CELF2: variants seen among roughly 807,000 people sequenced by gnomAD.
CELF2 encodes CUG triplet repeat RNA-binding protein 2.
Under a neutral mutation model 62.6 loss-of-function variants are expected in CELF2, and 8 were observed. The ratio of observed to expected loss-of-function variants is 0.13; its 90% CI spans 0.07 to 0.23. CELF2 has a LOEUF of 0.23. CELF2 is among the 10% of genes least tolerant of loss of function. The pLI, the probability that CELF2 is intolerant of heterozygous loss-of-function variation, is 1.00. For synonymous variants in CELF2, 258 were observed against 250.0 expected (o/e 1.03, Z -0.30); for missense variants, 333 against 671.0 (o/e 0.50, Z 5.56).
rs1219476974 is a variant in CELF2, at chr10:11,334,504, TGG to T, written c.*5454_*5455del. 6.5e-6 allele frequency: 1 copy of T among 152,796 alleles called. No individual in the cohort carries two copies. Among genetic ancestry groups the T allele is most frequent in the Admixed American group, 6.5e-5 (1 of 15,304 alleles). The allele number at this position is 152,796 out of a possible 1,614,324, so 9.5% of individuals were successfully genotyped here. ...ATTCCACTTAAGTGAATATCTGATTTGGGGAAGAGGAAACTGCACAGCAGCCA... is the reference window on the plus strand; with the variant it reads ...ATTCCACTTAAGTGAATATCTGATTTGGAAGAGGAAACTGCACAGCAGCCA... On this transcript the variant is annotated 3_prime_UTR_variant, in exon 13 of 13. Coordinates refer to ENST00000633077, the MANE Select transcript of CELF2 (RefSeq NM_001326342.2).
intron 1 of CELF2, among the ~76,000 whole-genome samples, chr10:11,127,621 G>C (rs957059034): frequency 1.3e-5 from 2 of 152,166 alleles, no homozygotes; most frequent in African/African-American, 4.8e-5. Context: ...TTGTGGTTTT[G>C]ATTTGCATTT....
intron 1 of CELF2, among the ~76,000 whole-genome samples, chr10:10,859,477 A>G (rs1185928187): frequency 6.6e-6 from 1 of 152,182 alleles, no homozygotes; most frequent in Non-Finnish European, 1.5e-5. Context: ...CCACCACAGT[A>G]TGACCCTGTT....
chr10:10,494,510 C>T, the CELF2 span, among the ~76,000 whole-genome samples: 1 of 152,090 alleles, frequency 6.6e-6, no homozygotes, highest in Non-Finnish European at 1.5e-5. Context: ...ACGGGAAGAA[C>T]AAGACATAGA....
chr10:11,280,061 G>C lies in CELF2; in HGVS notation c.841+4941G>C, dbSNP rs752602110. ...GCACGCGCCCTTGCCTCTCGGTCTGGTGCCCTTTCAGGATGAGCGTGTGGG... is the reference window on the plus strand; with the variant it reads ...GCACGCGCCCTTGCCTCTCGGTCTGCTGCCCTTTCAGGATGAGCGTGTGGG... On this transcript the variant is annotated intron_variant, in intron 8 of 12. Coordinates refer to ENST00000633077, the MANE Select transcript of CELF2 (RefSeq NM_001326342.2). This position sits in a 1 kb window ranked among gnomAD's most constrained non-coding sequence, Gnocchi z 7.6. Among the ~76,000 whole-genome samples the C allele has an allele frequency of 2.0e-5, 3 of 152,174 alleles. No homozygotes were observed. Among genetic ancestry groups the C allele is most frequent in the Non-Finnish European group, 4.4e-5 (3 of 68,048 alleles).
the CELF2 span, among the ~76,000 whole-genome samples, chr10:10,722,554 C>G: frequency 6.6e-6 from 1 of 152,186 alleles, no homozygotes; most frequent in African/African-American, 2.4e-5. Context: ...CTCCTCTCAA[C>G]TCTTTGACTG....
At chr10:10,747,457 T>G in the CELF2 span, among the ~76,000 whole-genome samples, 346 of 152,208 alleles carry the variant, frequency 2.3e-3, 3 homozygotes, top group East Asian at 0.018. Flanking sequence ...AAGGATACAT[T>G]GCTAGATGGT....
the CELF2 span, among the ~76,000 whole-genome samples, chr10:10,758,172 A>G: frequency 2.0e-5 from 3 of 152,226 alleles, no homozygotes; most frequent in South Asian, 2.1e-4. Context: ...AGCTCTAGAT[A>G]TAACTAAGTG....
chr10:10,635,139 C>A, the CELF2 span, among the ~76,000 whole-genome samples: 1 of 152,182 alleles, frequency 6.6e-6, no homozygotes, highest in Non-Finnish European at 1.5e-5. Context: ...GGGGCAGGGA[C>A]AGATAATTCT....
chr10:10,723,883 C>T, the CELF2 span, among the ~76,000 whole-genome samples: 1 of 152,148 alleles, frequency 6.6e-6, no homozygotes, highest in Non-Finnish European at 1.5e-5. Context: ...CCAAATATTA[C>T]TATAAGGCTA....
At chr10:10,889,227 C>T (rs2061968755) in intron 1 of CELF2, among the ~76,000 whole-genome samples, 1 of 152,176 alleles carries the variant, frequency 6.6e-6, no homozygotes, top group Non-Finnish European at 1.5e-5. Flanking sequence ...CATGGATTTG[C>T]TTTCTTGTTG....
chr10:10,747,226 T>C, the CELF2 span, among the ~76,000 whole-genome samples: 12 of 152,326 alleles, frequency 7.9e-5, no homozygotes, highest in Non-Finnish European at 1.5e-4. Context: ...CTACCCACAC[T>C]GGGGTGATAG....
At chr10:10,945,754 T>A (rs1283383846) in intron 2 of CELF2, among the ~76,000 whole-genome samples, 1 of 152,100 alleles carries the variant, frequency 6.6e-6, no homozygotes, top group Non-Finnish European at 1.5e-5. Context: ...ACACACCTAA[T>A]GTCCTGGGGG....
the CELF2 span, among the ~76,000 whole-genome samples, chr10:10,633,868 C>T: frequency 6.6e-6 from 1 of 151,748 alleles, no homozygotes; most frequent in South Asian, 2.1e-4. Context: ...TAATATATGA[C>T]CAAGATACCA....
chr10:10,776,481 G>A, the CELF2 span: 1 of 154,064 alleles, frequency 6.5e-6, no homozygotes, highest in Non-Finnish European at 1.5e-5. Flanking sequence ...TTTCAAGCAT[G>A]GAAAAATTCA....
In CELF2 at chr10:11,335,789, A is replaced by G. The variant is rs1316829666; in HGVS notation, c.*6736A>G. 2 of 152,160 alleles carry G rather than the reference A, an allele frequency of 1.3e-5. No homozygotes were observed. Among genetic ancestry groups the G allele is most frequent in the African/African-American group, 4.8e-5 (2 of 41,434 alleles). The allele number at this position is 152,160 out of a possible 1,614,324, so 9.4% of individuals were successfully genotyped here. ...CAAGGTGCAAGTGTTTATTTTTCAA[A>G]TCTATAAGTACATAGTTCCACCATT... On this transcript the variant is annotated 3_prime_UTR_variant, in exon 13 of 13. Transcript: ENST00000633077. This position sits in a 1 kb window ranked among gnomAD's most constrained non-coding sequence, Gnocchi z 5.0.
chr10:10,513,083 G>A, the CELF2 span, among the ~76,000 whole-genome samples: 1 of 152,128 alleles, frequency 6.6e-6, no homozygotes. Context: ...GAATGTTCTT[G>A]GTTATGCACA....
intron 2 of CELF2, among the ~76,000 whole-genome samples, chr10:10,967,481 A>G (rs1204094842): frequency 6.6e-6 from 1 of 152,204 alleles, no homozygotes; most frequent in Non-Finnish European, 1.5e-5. Context: ...GGAAATAAAC[A>G]TGCAAGGATT....
chr10:11,205,860 C>T (rs2060309260), intron 2 of CELF2, among the ~76,000 whole-genome samples: 1 of 152,128 alleles, frequency 6.6e-6, no homozygotes, highest in Non-Finnish European at 1.5e-5. Flanking sequence ...AATATTAGTT[C>T]TCCAGCATCA....
chr10:11,047,272 C>G (rs1256832535), intron 1 of CELF2, among the ~76,000 whole-genome samples: 1 of 152,128 alleles, frequency 6.6e-6, no homozygotes, highest in Non-Finnish European at 1.5e-5. Flanking sequence ...CACAGCCAAC[C>G]CATGAGTTCA....
Sources: allele counts gnomAD v4.1 joint callset (sites outside exome capture counted in the v4.1 genomes callset), GRCh38; gene constraint gnomAD v4.1.1; non-coding constraint Gnocchi (gnomAD v3.1); transcripts MANE v1.5; gene names NCBI Gene and HGNC (gene_info 2026-07-23, HGNC 2026-07-21).